The following TANC1 variants were observed in gnomAD, a reference collection of about 807,000 sequenced individuals.
TANC1 encodes the protein protein TANC1.
TANC1 carries 77 observed loss-of-function variants against 149.7 expected under a neutral mutation model. The ratio of observed to expected loss-of-function variants is 0.51; its 90% confidence interval spans 0.43 to 0.62. The LOEUF (loss-of-function observed/expected upper bound fraction) is 0.62, where lower values mean the gene tolerates loss of function less well. Ranked by LOEUF, TANC1 falls within the 20% of genes least tolerant of loss-of-function variation. The pLI, the probability that TANC1 is intolerant of heterozygous loss-of-function variation, is 0.00. For synonymous variants in TANC1, 854 were observed against 925.0 expected (o/e 0.92, Z 1.39); for missense variants, 1,985 against 2,321.8 (o/e 0.85, Z 2.98).
chr2:158,998,321 G>A (rs191250418), intron 1 of TANC1, among the ~76,000 whole-genome samples: 1 of 151,810 alleles, frequency 6.6e-6, no homozygotes, highest in Non-Finnish European at 1.5e-5. Flanking sequence ...CTATAATTAA[G>A]ATCATGCAAT....
intron 1 of TANC1, among the ~76,000 whole-genome samples, chr2:158,978,640 C>T (rs1267645159): frequency 1.3e-5 from 2 of 152,148 alleles, no homozygotes; most frequent in Admixed American, 6.6e-5. Context: ...AAATCATGGG[C>T]GATAACTCCC....
intron 19 of TANC1, among the ~76,000 whole-genome samples, chr2:159,207,322 T>C (rs111525794): frequency 1.5e-3 from 222 of 152,348 alleles, no homozygotes; most frequent in African/African-American, 5.1e-3. Context: ...TCTGGTACTT[T>C]CATTCTAAAC....
At chr2:159,154,781 C>T (rs1399007699) in intron 7 of TANC1, among the ~76,000 whole-genome samples, 1 of 152,044 alleles carries the variant, frequency 6.6e-6, no homozygotes, top group African/African-American at 2.4e-5. Flanking sequence ...AAATCATTGG[C>T]ATTACCTAGA....
chr2:159,227,819 A>G lies in TANC1; in HGVS notation c.3904A>G (p.Lys1302Glu). The change falls in exon 25 of 27, where the codon AAA becomes GAA. Residue 1302 changes from lysine (K) to glutamate (E), a missense_variant and splice_region_variant. Lys to Glu is a moderately conservative substitution (Grantham distance 56). Transcript: ENST00000263635. ...LMEEGNVMYK[K>E]GKMKEAAQRY... ...AATGTTTGTGATTTTTGAATCCTAGAAAGGGAAAATGAAAGAGGCAGCCCA... is the reference window on the plus strand; with the variant it reads ...AATGTTTGTGATTTTTGAATCCTAGGAAGGGAAAATGAAAGAGGCAGCCCA... The G allele has an allele frequency of 6.2e-7, 1 of 1,613,346 alleles. No homozygotes were observed. The highest frequency in any genetic ancestry group is 8.5e-7 in the Non-Finnish European group (1 of 1,179,840).
intron 1 of TANC1, among the ~76,000 whole-genome samples, chr2:158,999,250 G>A (rs905075287): frequency 4.6e-5 from 7 of 152,014 alleles, no homozygotes; most frequent in African/African-American, 1.7e-4. Context: ...CAGCTCCCTG[G>A]GGCCCTTCAA....
chr2:159,214,941 G>A (rs61160933), intron 19 of TANC1, among the ~76,000 whole-genome samples: 15,456 of 152,152 alleles, frequency 0.1, 1,006 homozygotes, highest in East Asian at 0.25. Flanking sequence ...TGGAACATTC[G>A]GAATCAGCCA....
intron 2 of TANC1, among the ~76,000 whole-genome samples, chr2:159,028,874 C>T (rs1224878100): frequency 6.6e-6 from 1 of 152,170 alleles, no homozygotes; most frequent in African/African-American, 2.4e-5. Context: ...TCAAGTGATC[C>T]TCTCAAGCAG....
At chr2:159,171,615 G>C (rs914091447) in intron 10 of TANC1, among the ~76,000 whole-genome samples, 15 of 152,102 alleles carry the variant, frequency 9.9e-5, no homozygotes, top group Non-Finnish European at 1.3e-4. Flanking sequence ...CCAGCACTTT[G>C]GTAGGCCAAG....
intron 3 of TANC1, among the ~76,000 whole-genome samples, chr2:159,096,848 C>T (rs79761199): frequency 0.16 from 24,441 of 151,984 alleles, 2,701 homozygotes; most frequent in East Asian, 0.47. Context: ...AAACTAGAAG[C>T]GAGAAGCCAA....
At chr2:158,983,028 C>T (rs1475884457) in intron 1 of TANC1, among the ~76,000 whole-genome samples, 5 of 152,068 alleles carry the variant, frequency 3.3e-5, no homozygotes, top group East Asian at 1.9e-4. Flanking sequence ...TTACAGAAGT[C>T]GAGATAAGTT....
intron 1 of TANC1, among the ~76,000 whole-genome samples, chr2:158,995,697 T>C (rs761332849): frequency 1.6e-4 from 24 of 152,334 alleles, no homozygotes; most frequent in Non-Finnish European, 2.8e-4. Context: ...TATTTAAATC[T>C]TTCCTGTTCT....
At chr2:159,089,857 G>T (rs2045339706) in intron 3 of TANC1, among the ~76,000 whole-genome samples, 1 of 152,208 alleles carries the variant, frequency 6.6e-6, no homozygotes. Context: ...AAACAAGCTT[G>T]CCTCCGAGCA....
intron 2 of TANC1, among the ~76,000 whole-genome samples, chr2:159,007,138 GTTTTTTTTTT>G (rs70994252): frequency 4.3e-5 from 3 of 69,516 alleles, no homozygotes; most frequent in South Asian, 1.5e-3. Context: ...CTTTAATACT[GTTTTTTTTTT>G]TTTTTTTTTT....
rs190160922 is a variant in TANC1, at chr2:159,230,490, T to C, written c.5064T>C (p.Phe1688=). The C allele has an allele frequency of 1.7e-4, 274 of 1,614,170 alleles. No individual in the cohort carries two copies. In the African/African-American group the frequency reaches 3.3e-3, roughly 19 times the overall value. Residue 1688 remains phenylalanine, a synonymous_variant, in exon 27 of 27, where the codon TTT becomes TTC. Transcript: ENST00000263635. This position sits in a 1 kb window ranked among gnomAD's most constrained non-coding sequence, Gnocchi z 4.4. ...GTAGTTTGACTTCGAGCAGCAGTTT[T>C]TCAGATGGCTTCAAGGTCCAAGGAC... ...STSSLTSSSS[F]SDGFKVQGPD...
intron 19 of TANC1, among the ~76,000 whole-genome samples, chr2:159,202,442 CAGAGGG>C (rs2058313483): frequency 2.6e-5 from 4 of 152,160 alleles, no homozygotes; most frequent in African/African-American, 9.7e-5. Context: ...TTTTGGAGAG[CAGAGGG>C]CTTAACTTGT....
chr2:159,175,603 T>G (rs2055763439), intron 12 of TANC1, among the ~76,000 whole-genome samples: 1 of 152,214 alleles, frequency 6.6e-6, no homozygotes, highest in Admixed American at 6.5e-5. Context: ...AACCTTAAAG[T>G]GACTTCTAAA....
chr2:158,998,052 A>G (rs149596327), intron 1 of TANC1, among the ~76,000 whole-genome samples: 25 of 152,288 alleles, frequency 1.6e-4, no homozygotes, highest in African/African-American at 6.0e-4. Flanking sequence ...TGAGGCCAGG[A>G]GTTTGAGACC....
At position 159,020,870 on chromosome 2, in the gene TANC1, CT is replaced by C. The variant is rs762059809; in HGVS notation, c.-16+19694del. 1.7e-3 allele frequency among the ~76,000 whole-genome samples: 238 copies of C among 143,994 alleles called. 1 individual carries two copies. The highest frequency in any genetic ancestry group is 0.011 in the Middle Eastern group (3 of 270). 94.5% of individuals were successfully genotyped at this position (143,994 alleles called of 152,430 possible). A position where few individuals can be genotyped will look rare whatever the true frequency, so the allele number is the denominator to read the frequency against. ...ACCTGTGGTGTGGGGCAGTCAGTCT[CT>C]TTTTTTTTTTTTCCTGGCCTCGGGT... On this transcript the variant is annotated intron_variant, in intron 2 of 26. Coordinates refer to ENST00000263635, the MANE Select transcript of TANC1 (RefSeq NM_033394.3).
At chr2:159,022,864 G>T (rs1352382395) in intron 2 of TANC1, among the ~76,000 whole-genome samples, 1 of 152,102 alleles carries the variant, frequency 6.6e-6, no homozygotes, top group African/African-American at 2.4e-5. Flanking sequence ...AGATCTCTTG[G>T]CAGGACAACA....
Sources: allele counts gnomAD v4.1 joint callset (sites outside exome capture counted in the v4.1 genomes callset), GRCh38; gene constraint gnomAD v4.1.1; non-coding constraint Gnocchi (gnomAD v3.1); transcripts MANE v1.5; gene names NCBI Gene and HGNC (gene_info 2026-07-23, HGNC 2026-07-21).